TRDN: variants seen among roughly 807,000 people sequenced by gnomAD.
TRDN encodes the protein triadin in skeletal muscle.
A neutral mutation model predicts 149.7 loss-of-function variants in TRDN; 161 were observed. That is an observed-to-expected ratio of 1.08 (90% CI 0.95 to 1.23). The LOEUF (loss-of-function observed/expected upper bound fraction) is 1.23, where lower values mean the gene tolerates loss of function less well. Among genes scored for constraint, TRDN ranks in the 50% most tolerant of loss-of-function variants. TRDN has a pLI of 0.00. For missense variants in TRDN, 896 were observed against 823.5 expected, an observed-to-expected ratio of 1.09 and a Z score of -1.08; for synonymous variants, 294 against 250.5, an observed-to-expected ratio of 1.17 and a Z score of -1.64.
intron 21 of TRDN, among the ~76,000 whole-genome samples, chr6:123,344,467 G>C (rs1000212395): frequency 7.2e-5 from 11 of 151,942 alleles, no homozygotes; most frequent in African/African-American, 2.7e-4. Context: ...TAACCACTGA[G>C]TTTTTAACTT....
At position 123,257,297 on chromosome 6, in the gene TRDN, T is replaced by C. The variant is rs563627518; in HGVS notation, c.1871-1395A>G. Among the ~76,000 whole-genome samples the C allele has an allele frequency of 3.3e-5, 5 of 152,168 alleles. No homozygotes were observed. In the South Asian group the frequency reaches 1.0e-3, roughly 32 times the overall value. Reference sequence around the variant, plus strand: ...CCGGCATGTTTAAATCTTTAATCCATCTTGAGTTAATTTTTGTATAAGGCA... The same window carrying C: ...CCGGCATGTTTAAATCTTTAATCCACCTTGAGTTAATTTTTGTATAAGGCA... On this transcript the variant is annotated intron_variant, in intron 35 of 40. Coordinates refer to ENST00000334268, the MANE Select transcript of TRDN (RefSeq NM_006073.4).
chr6:123,350,373 G>A (rs560843624), intron 21 of TRDN: 1 of 907,548 alleles, frequency 1.1e-6, no homozygotes, highest in Non-Finnish European at 1.3e-6. Flanking sequence ...TCTATTAAGA[G>A]TAACAAAAAT....
chr6:123,337,093 A>G (rs550401869), intron 22 of TRDN, among the ~76,000 whole-genome samples: 23 of 152,152 alleles, frequency 1.5e-4, no homozygotes, highest in Admixed American at 2.6e-4. Context: ...TTTCATAGCA[A>G]TATAGAGTGT....
chr6:123,357,957 A>AATGTTGATC (rs1214537633), intron 20 of TRDN, among the ~76,000 whole-genome samples: 1 of 152,212 alleles, frequency 6.6e-6, no homozygotes, highest in East Asian at 1.9e-4. Context: ...TTTCACATAA[A>AATGTTGATC]ATGTTGATCC....
intron 38 of TRDN, among the ~76,000 whole-genome samples, chr6:123,243,121 A>T (rs182905292): frequency 3.1e-3 from 473 of 152,270 alleles, no homozygotes; most frequent in Non-Finnish European, 3.8e-3. Flanking sequence ...CCAAGGTGCA[A>T]GAAAACTACG....
At chr6:123,252,235 G>GT (rs893164212) in intron 38 of TRDN, among the ~76,000 whole-genome samples, 177 bp downstream of exon 38, 56 of 148,408 alleles carry the variant, frequency 3.8e-4, no homozygotes, top group Middle Eastern at 3.6e-3. Flanking sequence ...AAATAACATA[G>GT]TTTTTTTTTT....
chr6:123,267,121 A>G (rs2114605588), intron 32 of TRDN, among the ~76,000 whole-genome samples: 1 of 150,682 alleles, frequency 6.6e-6, no homozygotes, highest in Non-Finnish European at 1.5e-5. Flanking sequence ...AAAAGAAGTA[A>G]CAGTGATTAC....
chr6:123,569,809 CT>C (rs1562395580), intron 2 of TRDN, among the ~76,000 whole-genome samples: 2 of 152,116 alleles, frequency 1.3e-5, no homozygotes, highest in African/African-American at 4.8e-5. Flanking sequence ...AAACCACTCA[CT>C]AAAAAATGCA....
chr6:123,227,459 G>A (rs916229698), intron 38 of TRDN, among the ~76,000 whole-genome samples: 1 of 151,820 alleles, frequency 6.6e-6, no homozygotes, highest in Non-Finnish European at 1.5e-5. Context: ...TTCTCTATGG[G>A]TTGAACTGTG....
At chr6:123,547,889 T>G (rs1781196295) in intron 3 of TRDN, among the ~76,000 whole-genome samples, 1 of 152,014 alleles carries the variant, frequency 6.6e-6, no homozygotes, top group African/African-American at 2.4e-5. Context: ...TATTCATTAA[T>G]ATATATGAGA....
At chr6:123,449,680 C>G (rs1775644150) in intron 10 of TRDN, among the ~76,000 whole-genome samples, 1 of 152,106 alleles carries the variant, frequency 6.6e-6, no homozygotes, top group Admixed American at 6.5e-5. Flanking sequence ...TCCAGCCTTG[C>G]TAGAGACTTA....
At chr6:123,546,332 G>A (rs994030444) in intron 4 of TRDN, among the ~76,000 whole-genome samples, 1 of 152,036 alleles carries the variant, frequency 6.6e-6, no homozygotes, top group Non-Finnish European at 1.5e-5. Context: ...TGCTGTGTAA[G>A]TTACAAATCC....
intron 20 of TRDN, among the ~76,000 whole-genome samples, chr6:123,354,834 A>C (rs2114309375): frequency 6.6e-6 from 1 of 151,938 alleles, no homozygotes; most frequent in Non-Finnish European, 1.5e-5. Context: ...CTGGAAGCAC[A>C]AGAAATCTAA....
intron 38 of TRDN, among the ~76,000 whole-genome samples, chr6:123,236,415 T>C (rs1036833662): frequency 6.6e-6 from 1 of 152,188 alleles, no homozygotes; most frequent in African/African-American, 2.4e-5. Flanking sequence ...TTGTTGGATA[T>C]GTAGTCTTTT....
At chr6:123,353,981 T>C (rs1384899329) in intron 20 of TRDN, among the ~76,000 whole-genome samples, 1 of 151,822 alleles carries the variant, frequency 6.6e-6, no homozygotes, top group African/African-American at 2.4e-5. Context: ...TTTTGTTAGA[T>C]TATAGTCAAT....
intron 22 of TRDN, among the ~76,000 whole-genome samples, chr6:123,334,722 C>T (rs562011151): frequency 1.4e-4 from 21 of 151,684 alleles, no homozygotes; most frequent in Non-Finnish European, 3.1e-4. Flanking sequence ...TTCTTTGCAA[C>T]GGTCATCCCT....
chr6:123,568,840 C>G (rs1583260986), intron 2 of TRDN, among the ~76,000 whole-genome samples: 1 of 152,198 alleles, frequency 6.6e-6, no homozygotes, highest in Non-Finnish European at 1.5e-5. Context: ...GCCTTCAAGA[C>G]CTTTTTCCCA....
At chr6:123,379,329 C>CA (rs1006757258) in intron 16 of TRDN, among the ~76,000 whole-genome samples, 2 of 151,920 alleles carry the variant, frequency 1.3e-5, no homozygotes, top group African/African-American at 2.4e-5. Flanking sequence ...AGCAGCAAAA[C>CA]AAAAAAATGA....
intron 1 of TRDN, among the ~76,000 whole-genome samples, chr6:123,585,503 C>A (rs1002045397): frequency 6.6e-6 from 1 of 151,996 alleles, no homozygotes; most frequent in Non-Finnish European, 1.5e-5. Flanking sequence ...ACCCGAAGCT[C>A]GGCATCCATG....
Sources: gnomAD v4.1 joint callset for allele counts (sites outside exome capture counted in the v4.1 genomes callset) on GRCh38, gnomAD v4.1.1 for gene constraint, MANE v1.5 for transcripts, NCBI Gene and HGNC (gene_info 2026-07-23, HGNC 2026-07-21) for gene names.